OTUD5: variants seen among roughly 807,000 people sequenced by gnomAD.
OTUD5 encodes OTU domain-containing protein 5.
A neutral mutation model predicts 36.3 loss-of-function variants in OTUD5; 2 were observed. That is an observed-to-expected ratio of 0.06 (90% CI 0.02 to 0.17). The LOEUF (loss-of-function observed/expected upper bound fraction) is 0.17. OTUD5 is among the 10% of genes least tolerant of loss of function. The pLI is 1.00. For missense variants in OTUD5, 233 were observed against 512.3 expected, an observed-to-expected ratio of 0.45 and a Z score of 5.26; for synonymous variants, 234 against 214.9, an observed-to-expected ratio of 1.09 and a Z score of -0.78.
At chrX:48,941,941 A>C (rs781882970) in intron 2 of OTUD5, among the ~76,000 whole-genome samples, 1 of 111,341 alleles carries the variant, frequency 9.0e-6, no homozygotes, top group South Asian at 3.7e-4. Context: ...AGGACTTCTG[A>C]GGTTTTACAG....
chrX:48,934,655 T>G, intron 4 of OTUD5, 43 bp from the exon 5 acceptor site: 1 of 1,208,019 alleles, frequency 8.3e-7, no homozygotes, highest in Middle Eastern at 2.3e-4. Flanking sequence ...GCAGGCCAGG[T>G]TGGGCAGGCT....
intron 2 of OTUD5, among the ~76,000 whole-genome samples, chrX:48,939,411 C>T (rs1250380330): frequency 9.0e-6 from 1 of 111,682 alleles, no homozygotes; most frequent in African/African-American, 3.3e-5. Flanking sequence ...TTACCCTCCC[C>T]ATACACACCC....
chrX:48,935,926 A>C (rs1308365645), intron 2 of OTUD5, among the ~76,000 whole-genome samples: 1 of 68,446 alleles, frequency 1.5e-5, no homozygotes, highest in African/African-American at 5.2e-5. Context: ...GCGACAGAGT[A>C]AGACTCTGTC....
intron 1 of OTUD5, among the ~76,000 whole-genome samples, chrX:48,953,650 G>A (rs1407634619): frequency 1.8e-5 from 2 of 111,010 alleles, no homozygotes; most frequent in Non-Finnish European, 3.8e-5. Flanking sequence ...TTCTCAAAGA[G>A]CTCTGTGGGG....
intron 6 of OTUD5, among the ~76,000 whole-genome samples, chrX:48,924,564 T>C (rs1348674561): frequency 8.9e-6 from 1 of 111,950 alleles, no homozygotes; most frequent in Non-Finnish European, 1.9e-5. Context: ...CCTACCCAAT[T>C]GGACCCACAA....
intron 1 of OTUD5, among the ~76,000 whole-genome samples, chrX:48,954,857 C>T (rs943664133): frequency 8.9e-6 from 1 of 112,285 alleles, no homozygotes. Flanking sequence ...ACTCCATGTC[C>T]CCAGGACCTG....
chrX:48,952,689 T>C (rs1269228032), intron 1 of OTUD5, among the ~76,000 whole-genome samples: 3 of 111,947 alleles, frequency 2.7e-5, no homozygotes, highest in Non-Finnish European at 3.8e-5. Context: ...ACCCATTTCA[T>C]GGAGGGAGAA....
At chrX:48,930,825 G>T (rs1240030287) in intron 5 of OTUD5, among the ~76,000 whole-genome samples, 2 of 110,810 alleles carry the variant, frequency 1.8e-5, no homozygotes, top group Non-Finnish European at 3.8e-5. Context: ...AGCTGGGTGT[G>T]GTGGCGCATG....
At chrX:48,957,746 C>CGGCGGCGGCGGCGGT, upstream of OTUD5, 1 of 783,136 alleles carries the variant, frequency 1.3e-6, no homozygotes, top group South Asian at 5.5e-5. Context: ...GCGGCGGCGG[C>CGGCGGCGGCGGCGGT]GGCGGTGGCG....
rs373068107 is a variant in OTUD5 at position 48,923,325 on chromosome X, G to A, written c.1580-30C>T. 3.6e-6 allele frequency: 4 copies of A among 1,122,616 alleles called. No homozygotes were observed. The African/African-American group carries it at 7.2e-5, about 20-fold the overall frequency. 92.5% of individuals were successfully genotyped at this position (1,122,616 alleles called of 1,213,427 possible). On this transcript the variant is annotated intron_variant, in intron 8 of 8. Transcript: ENST00000376488. ...TGGGCGAGAGGAAGAGGAAAAGGATGATGGAGCGCTCTCAGCCTGCCTTCT... is the reference window on the plus strand; with the variant it reads ...TGGGCGAGAGGAAGAGGAAAAGGATAATGGAGCGCTCTCAGCCTGCCTTCT...
At chrX:48,932,286 A>G (rs1350620589) in intron 5 of OTUD5, among the ~76,000 whole-genome samples, 4 of 110,296 alleles carry the variant, frequency 3.6e-5, no homozygotes, top group African/African-American at 1.3e-4. Flanking sequence ...AAACTGCTCT[A>G]AACAATTAAG....
intron 5 of OTUD5, among the ~76,000 whole-genome samples, chrX:48,933,908 G>GTT (rs1434705559): frequency 9.4e-6 from 1 of 105,933 alleles, no homozygotes; most frequent in South Asian, 4.9e-4. Context: ...GCAAATGACT[G>GTT]TAAGAGAGAG....
chrX:48,934,457 C>T lies in OTUD5; in HGVS notation c.1059+7G>A. ...AGCAGCCATTCTGGGCACAGGGACCCACTCACCCCTGGTTTGAATGATGGC... is the reference window on the plus strand; with the variant it reads ...AGCAGCCATTCTGGGCACAGGGACCTACTCACCCCTGGTTTGAATGATGGC... On this transcript the variant is annotated splice_region_variant and intron_variant, in intron 5 of 8. Coordinates refer to ENST00000376488, the MANE Select transcript of OTUD5 (RefSeq NM_001136157.2). 1 of 1,206,939 alleles carries T rather than the reference C, an allele frequency of 8.3e-7. No homozygotes were observed.
intron 2 of OTUD5, among the ~76,000 whole-genome samples, chrX:48,937,863 C>G (rs1200716005): frequency 1.8e-5 from 2 of 111,905 alleles, no homozygotes; most frequent in Non-Finnish European, 3.8e-5. Flanking sequence ...GTTGCCATAA[C>G]CACTTATGAA....
intron 5 of OTUD5, among the ~76,000 whole-genome samples, chrX:48,927,844 T>C (rs985949631): frequency 1.8e-5 from 2 of 111,866 alleles, no homozygotes; most frequent in African/African-American, 6.5e-5. Context: ...GCCTTGGTCT[T>C]TCAGGTCACC....
At chrX:48,958,315 TG>T (rs1176678861), upstream of OTUD5, 3 of 112,620 alleles carry the variant, frequency 2.7e-5, no homozygotes, top group African/African-American at 9.7e-5. Flanking sequence ...GATTCCAACT[TG>T]AACGCTGTCA....
At chrX:48,955,454 C>T (rs1557054944) in intron 1 of OTUD5, among the ~76,000 whole-genome samples, 2 of 111,540 alleles carry the variant, frequency 1.8e-5, no homozygotes. Context: ...CTCAGGTGTA[C>T]ATCTTAAGTT....
chrX:48,922,815 C>T lies in OTUD5; in HGVS notation c.*359G>A. Reference sequence around the variant, plus strand: ...GAATGAGGGGCAGGGAGACTTTCCTCTGTCTGAATGTCTCTCTCCTCTGGG... The same window carrying T: ...GAATGAGGGGCAGGGAGACTTTCCTTTGTCTGAATGTCTCTCTCCTCTGGG... On this transcript the variant is annotated 3_prime_UTR_variant, in exon 9 of 9. Coordinates refer to ENST00000376488, the MANE Select transcript of OTUD5 (RefSeq NM_001136157.2). 2 of 791,158 alleles carry T rather than the reference C, an allele frequency of 2.5e-6. No homozygotes were observed. Among genetic ancestry groups the T allele is most frequent in the Non-Finnish European group, 3.0e-6 (2 of 663,245 alleles). The allele number at this position is 791,158 out of a possible 1,213,427, so 65.2% of individuals were successfully genotyped here. A position where few individuals can be genotyped will look rare whatever the true frequency, so the allele number is the denominator to read the frequency against.
At chrX:48,931,190 G>A (rs184788770) in intron 5 of OTUD5, among the ~76,000 whole-genome samples, 1 of 111,318 alleles carries the variant, frequency 9.0e-6, no homozygotes, top group East Asian at 2.8e-4. Context: ...GTAACCTTAG[G>A]TGGAGAAACC....
Sources: gnomAD v4.1 joint callset for allele counts (sites outside exome capture counted in the v4.1 genomes callset) on GRCh38, gnomAD v4.1.1 for gene constraint, MANE v1.5 for transcripts, NCBI Gene and HGNC (gene_info 2026-07-23, HGNC 2026-07-21) for gene names.